OMA1: variants seen among roughly 807,000 people sequenced by gnomAD.
OMA1 encodes metalloendopeptidase OMA1, mitochondrial.
In OMA1, 38 loss-of-function variants were observed where a neutral mutation model predicts 30.9. The ratio of observed to expected loss-of-function variants is 1.23; its 90% CI spans 0.95 to 1.61. The LOEUF is 1.61. Ranked by LOEUF, OMA1 falls within the 40% of genes most tolerant of loss-of-function variation. OMA1 has a pLI of 0.00. For missense variants in OMA1, 461 were observed against 349.2 expected, an observed-to-expected ratio of 1.32 and a Z score of -2.55; for synonymous variants, 173 against 121.9, an observed-to-expected ratio of 1.42 and a Z score of -2.76.
intron 7 of OMA1, among the ~76,000 whole-genome samples, chr1:58,526,948 A>C (rs536852041): frequency 6.6e-6 from 1 of 152,238 alleles, no homozygotes; most frequent in Non-Finnish European, 1.5e-5. Context: ...ATGATCAAAA[A>C]ATTTATACAC....
chr1:58,518,947 G>T (rs1251187752), intron 7 of OMA1, among the ~76,000 whole-genome samples: 1 of 152,094 alleles, frequency 6.6e-6, no homozygotes, highest in Non-Finnish European at 1.5e-5. Flanking sequence ...TAAATAACTT[G>T]ATCATAATCA....
chr1:58,539,058 T>C lies in OMA1; in HGVS notation c.237A>G (p.Thr79=). ...TACTTTTGGTACTTGAGAGGCCTCC[T>C]GTTCTTTTGTTGTTAAAAGTACTAT... ...HFYSTFNNKR[T]GGLSSTKSKE... is the part of the protein sequence containing the mutation. The change falls in exon 2 of 9, where the codon ACA becomes ACG. Residue 79 remains threonine (T), a synonymous_variant. Transcript: ENST00000371226. 1 of 872,982 alleles carries C rather than the reference T, an allele frequency of 1.1e-6. No homozygotes were observed. Among genetic ancestry groups the C allele is most frequent in the South Asian group, 1.3e-5 (1 of 76,546 alleles). 54.1% of individuals were successfully genotyped at this position (872,982 alleles called of 1,614,324 possible).
At chr1:58,491,857 G>A (rs996059125) in intron 8 of OMA1, among the ~76,000 whole-genome samples, 2 of 152,126 alleles carry the variant, frequency 1.3e-5, no homozygotes, top group Non-Finnish European at 2.9e-5. Flanking sequence ...ACAGATCAAT[G>A]AGACAAAAAG....
chr1:58,545,800 C>CA (rs1225087266), intron 1 of OMA1, among the ~76,000 whole-genome samples: 1 of 152,026 alleles, frequency 6.6e-6, no homozygotes, highest in East Asian at 1.9e-4. Flanking sequence ...GTCAGATTGG[C>CA]AAAAATAGGA....
chr1:58,527,216 A>G lies in OMA1; in HGVS notation c.1215+45T>C, dbSNP rs372269511. ...TTAAAATAACACACGTTTATCTTTC[A>G]GCCTGGGAAGGGCATTATGTATTCT... On this transcript the variant is annotated intron_variant, in intron 7 of 8. Transcript: ENST00000371226. 5.0e-5 allele frequency: 43 copies of G among 853,336 alleles called. No homozygotes were observed. The African/African-American group carries it at 6.1e-4, about 12-fold the overall frequency. 52.9% of individuals were successfully genotyped at this position (853,336 alleles called of 1,614,324 possible).
chr1:58,537,301 A>C (rs981879972), intron 2 of OMA1, among the ~76,000 whole-genome samples: 2 of 152,178 alleles, frequency 1.3e-5, no homozygotes, highest in African/African-American at 4.8e-5. Context: ...CTATACCTGG[A>C]ACCACTACTT....
At chr1:58,494,611 T>A (rs971622565) in intron 8 of OMA1, among the ~76,000 whole-genome samples, 4 of 151,978 alleles carry the variant, frequency 2.6e-5, no homozygotes, top group African/African-American at 9.7e-5. Context: ...GGGTGAAGGA[T>A]ATGAACAGAC....
intron 7 of OMA1, among the ~76,000 whole-genome samples, chr1:58,524,645 G>A (rs953012712): frequency 2.0e-5 from 3 of 152,088 alleles, no homozygotes; most frequent in Admixed American, 6.6e-5. Context: ...TTCTGGATTC[G>A]TTTATGTTGA....
chr1:58,532,172 C>T (rs909977929), intron 5 of OMA1, among the ~76,000 whole-genome samples: 4 of 152,076 alleles, frequency 2.6e-5, no homozygotes, highest in African/African-American at 4.8e-5. Flanking sequence ...AAAACATAAA[C>T]GCCTAGATAA....
At chr1:58,488,170 T>C (rs1052619079) in intron 8 of OMA1, among the ~76,000 whole-genome samples, 1 of 152,184 alleles carries the variant, frequency 6.6e-6, no homozygotes, top group Non-Finnish European at 1.5e-5. Flanking sequence ...ATAAAGTTCA[T>C]TGATTACAAG....
At chr1:58,544,830 G>A (rs1646675732) in intron 1 of OMA1, among the ~76,000 whole-genome samples, 1 of 152,334 alleles carries the variant, frequency 6.6e-6, no homozygotes, top group South Asian at 2.1e-4. Context: ...CTGGCCTCAA[G>A]TGATCTGCTC....
intron 8 of OMA1, among the ~76,000 whole-genome samples, chr1:58,496,807 T>G (rs1380205301): frequency 6.6e-6 from 1 of 152,212 alleles, no homozygotes; most frequent in Non-Finnish European, 1.5e-5. Flanking sequence ...TAGGGTTAAT[T>G]TGGCTGGTCT....
chr1:58,513,629 T>C (rs1291486763), intron 7 of OMA1, among the ~76,000 whole-genome samples: 1 of 152,172 alleles, frequency 6.6e-6, no homozygotes, highest in Non-Finnish European at 1.5e-5. Flanking sequence ...TAAACTAAGA[T>C]AATGGAGAGA....
intron 8 of OMA1, among the ~76,000 whole-genome samples, chr1:58,494,489 G>A (rs1272733176): frequency 1.2e-4 from 19 of 152,244 alleles, no homozygotes; most frequent in Admixed American, 5.2e-4. Context: ...GCAACCTACA[G>A]AATGGGAGAA....
chr1:58,489,765 A>C (rs1290460643), intron 8 of OMA1, among the ~76,000 whole-genome samples: 2 of 152,200 alleles, frequency 1.3e-5, no homozygotes, highest in Non-Finnish European at 2.9e-5. Flanking sequence ...ATGATGAGGC[A>C]GCAACATTGG....
At chr1:58,536,963 T>A (rs1557458701) in intron 2 of OMA1, among the ~76,000 whole-genome samples, 1 of 152,072 alleles carries the variant, frequency 6.6e-6, no homozygotes. Flanking sequence ...CTCATCGAAA[T>A]TTTCTTCTTC....
chr1:58,540,070 G>A (rs78526840), intron 1 of OMA1, among the ~76,000 whole-genome samples: 2,313 of 152,240 alleles, frequency 0.015, 54 homozygotes, highest in African/African-American at 0.051. Context: ...ATAATATACA[G>A]GGCTCACACA....
intron 3 of OMA1, among the ~76,000 whole-genome samples, chr1:58,535,613 A>AAAAAAT (rs1646504495): frequency 1.3e-5 from 2 of 151,776 alleles, no homozygotes; most frequent in African/African-American, 4.8e-5. Flanking sequence ...AAAAAAAAAA[A>AAAAAAT]AAGATTCAGC....
intron 3 of OMA1, among the ~76,000 whole-genome samples, chr1:58,535,465 G>A (rs540657885): frequency 2.2e-4 from 34 of 151,706 alleles, no homozygotes; most frequent in South Asian, 6.2e-4. Context: ...GCGTGGTGGC[G>A]CACGCCTGTA....
Sources: gnomAD v4.1 joint callset for allele counts (sites outside exome capture counted in the v4.1 genomes callset) on GRCh38, gnomAD v4.1.1 for gene constraint, MANE v1.5 for transcripts, NCBI Gene and HGNC (gene_info 2026-07-23, HGNC 2026-07-21) for gene names.